The following KPNA6 variants were observed in gnomAD, a reference collection of about 807,000 sequenced individuals.
The protein encoded by KPNA6 is karyopherin subunit alpha 6.
Under a neutral mutation model 72.0 loss-of-function variants are expected in KPNA6, and 9 were observed. That is an observed-to-expected ratio of 0.13 (90% CI 0.08 to 0.22). The LOEUF (loss-of-function observed/expected upper bound fraction) is 0.22, where lower values mean the gene tolerates loss of function less well. Among genes scored for constraint, KPNA6 ranks in the 10% least tolerant of loss-of-function variants. KPNA6 has a pLI of 1.00. For synonymous variants in KPNA6, 219 were observed against 242.1 expected (o/e 0.90, Z 0.89); for missense variants, 374 against 655.7 (o/e 0.57, Z 4.69).
At position 32,175,399 on chromosome 1, in the gene KPNA6, T is replaced by A. The variant is rs1044450380; in HGVS notation, c.*4505T>A. 6.6e-6 allele frequency: 1 copy of A among 152,272 alleles called. No homozygotes were observed. The highest frequency in any genetic ancestry group is 1.5e-5 in the Non-Finnish European group (1 of 68,108). The allele number at this position is 152,272 out of a possible 1,614,324, so 9.4% of individuals were successfully genotyped here. ...CAGCCCTGTTCTCCTGTAACTATTA[T>A]ATACGCCATGGCCTGGGGGGCATTG... On this transcript the variant is annotated 3_prime_UTR_variant, in exon 14 of 14. Coordinates refer to ENST00000373625, the MANE Select transcript of KPNA6 (RefSeq NM_012316.5).
chr1:32,158,497 G>T, intron 5 of KPNA6, 136 bp downstream of exon 5: 1 of 558,066 alleles, frequency 1.8e-6, no homozygotes, highest in South Asian at 2.4e-5. Flanking sequence ...TGGAGAATGG[G>T]GTATCCATTT....
At chr1:32,139,911 G>A (rs1383756818) in intron 1 of KPNA6, among the ~76,000 whole-genome samples, 5 of 152,130 alleles carry the variant, frequency 3.3e-5, no homozygotes, top group Admixed American at 2.6e-4. Flanking sequence ...CTACTTTTGT[G>A]TATATTTGAA....
intron 1 of KPNA6, among the ~76,000 whole-genome samples, chr1:32,140,527 T>TAATATGATGTTAAAAATCATTGA (rs1553128313): frequency 6.6e-6 from 1 of 152,184 alleles, no homozygotes; most frequent in Non-Finnish European, 1.5e-5. Context: ...AGAATAAAAC[T>TAATATGATGTTAAAAATCATTGA]AATATGATGT....
intron 1 of KPNA6, among the ~76,000 whole-genome samples, chr1:32,122,642 G>A (rs921844975): frequency 6.6e-6 from 1 of 152,040 alleles, no homozygotes; most frequent in African/African-American, 2.4e-5. Flanking sequence ...AAAGGAGAGA[G>A]AAGAGGCAAG....
chr1:32,154,522 G>C (rs1642099638), intron 1 of KPNA6, 66 bp from the exon 2 acceptor site: 1 of 1,561,318 alleles, frequency 6.4e-7, no homozygotes, highest in Non-Finnish European at 8.7e-7. Context: ...GGTAGGGATA[G>C]AAGTCTAGTG....
intron 1 of KPNA6, among the ~76,000 whole-genome samples, chr1:32,117,159 C>G (rs1406188061): frequency 6.6e-6 from 1 of 151,726 alleles, no homozygotes; most frequent in Non-Finnish European, 1.5e-5. Flanking sequence ...TGCCACAAAC[C>G]TTCAATTTGT....
rs1260714576 is a variant in KPNA6 at position 32,166,129 on chromosome 1, C to G, written c.1015C>G (p.Pro339Ala). The change falls in exon 11 of 14, where the codon CCT (proline) becomes GCT (alanine). Residue 339 changes from proline (P) to alanine (A), a missense_variant. This residue lies in a region of KPNA6 where 298 missense variants were observed against 495.4 expected (regional missense o/e 0.60). Coordinates refer to ENST00000373625, the MANE Select transcript of KPNA6 (RefSeq NM_012316.5). ...GGTCATTCTTAACTGTTCAGCCCTACCTTGCCTTCTCCACTTGTTGAGCAG... is the reference window on the plus strand; with the variant it reads ...GGTCATTCTTAACTGTTCAGCCCTAGCTTGCCTTCTCCACTTGTTGAGCAG... ...TQVILNCSAL[P>A]CLLHLLSSPK... is the part of the protein sequence containing the mutation. The G allele has an allele frequency of 6.2e-7, 1 of 1,613,974 alleles. No individual in the cohort carries two copies. The highest frequency in any genetic ancestry group is 2.2e-5 in the East Asian group (1 of 44,892).
At position 32,160,723 on chromosome 1, in the gene KPNA6, T is replaced by G; in HGVS notation, c.647+20T>G. On this transcript the variant is annotated intron_variant, in intron 7 of 13. Coordinates refer to ENST00000373625, the MANE Select transcript of KPNA6 (RefSeq NM_012316.5). ...GTTAACGTGAGTAATTATAATCATC[T>G]GTACCTGGGCGTCTACTGGGTGGCC... 1 of 1,594,792 alleles carries G rather than the reference T, an allele frequency of 6.3e-7. No homozygotes were observed. The highest frequency in any genetic ancestry group is 8.6e-7 in the Non-Finnish European group (1 of 1,162,382).
At chr1:32,109,486 G>GTT (rs559636567) in intron 1 of KPNA6, among the ~76,000 whole-genome samples, 4 of 144,720 alleles carry the variant, frequency 2.8e-5, no homozygotes, top group African/African-American at 7.6e-5. Flanking sequence ...TTTTTGTTTT[G>GTT]TTTTTTTTTT....
At chr1:32,131,491 T>C (rs1641634681) in intron 1 of KPNA6, among the ~76,000 whole-genome samples, 1 of 152,026 alleles carries the variant, frequency 6.6e-6, no homozygotes, top group Non-Finnish European at 1.5e-5. Context: ...TCTACTTTTA[T>C]TTTTTAAAGT....
intron 1 of KPNA6, 27 bp from the exon 2 acceptor site, chr1:32,154,561 T>C (rs1199223220): frequency 1.9e-6 from 3 of 1,608,576 alleles, no homozygotes; most frequent in Non-Finnish European, 2.5e-6. Flanking sequence ...CTCAAGAGTT[T>C]TTGGCAGTGT....
intron 1 of KPNA6, among the ~76,000 whole-genome samples, chr1:32,119,101 G>C (rs1330904511): frequency 7.2e-6 from 1 of 139,674 alleles, no homozygotes; most frequent in Admixed American, 7.7e-5. Context: ...GCCTATCTCA[G>C]CTCACTGCAA....
At chr1:32,169,575 T>G (rs896933830) in intron 12 of KPNA6, among the ~76,000 whole-genome samples, 6 of 150,064 alleles carry the variant, frequency 4.0e-5, no homozygotes, top group African/African-American at 1.5e-4. Context: ...GCCTCCCGAG[T>G]AGCTGGGACT....
At chr1:32,142,951 A>G (rs1345815341) in intron 1 of KPNA6, 3 of 1,289,476 alleles carry the variant, frequency 2.3e-6, no homozygotes, top group Non-Finnish European at 2.0e-6. Context: ...TCCCAGCTTC[A>G]CTGTCAGCTG....
intron 11 of KPNA6, among the ~76,000 whole-genome samples, chr1:32,166,811 G>C (rs373029669): frequency 2.0e-5 from 3 of 151,238 alleles, no homozygotes; most frequent in East Asian, 1.9e-4. Context: ...GGTGGCAGGC[G>C]CCTGTAGTCA....
intron 1 of KPNA6, among the ~76,000 whole-genome samples, chr1:32,108,823 G>A (rs963115470): frequency 1.3e-5 from 2 of 152,234 alleles, no homozygotes; most frequent in African/African-American, 2.4e-5. Flanking sequence ...GCCCTGGTAA[G>A]GAGAAAAGGA....
chr1:32,170,099 C>T, intron 13 of KPNA6, 39 bp downstream of exon 13: 5 of 1,572,648 alleles, frequency 3.2e-6, no homozygotes, highest in Non-Finnish European at 2.6e-6. Context: ...GAACCTGAGA[C>T]TGTAGGCCTC....
intron 1 of KPNA6, among the ~76,000 whole-genome samples, chr1:32,111,234 T>G (rs1465074495): frequency 6.6e-6 from 1 of 152,180 alleles, no homozygotes; most frequent in East Asian, 1.9e-4. Context: ...ATTGGGAAAC[T>G]GTCTCGGAGA....
At chr1:32,158,163 G>A in intron 4 of KPNA6, 104 bp from the exon 5 acceptor site, 1 of 697,432 alleles carries the variant, frequency 1.4e-6, no homozygotes, top group Non-Finnish European at 2.5e-6. Flanking sequence ...GGGAATGTTT[G>A]TAAGGGTGGT....
Sources: allele counts gnomAD v4.1 joint callset (sites outside exome capture counted in the v4.1 genomes callset), GRCh38; gene constraint gnomAD v4.1.1; regional missense constraint gnomAD v4.1.1; transcripts MANE v1.5; gene names NCBI Gene and HGNC (gene_info 2026-07-23, HGNC 2026-07-21).